The following PLCZ1 variants were observed in gnomAD, a reference collection of about 807,000 sequenced individuals.
PLCZ1 encodes the protein 1-phosphatidylinositol 4,5-bisphosphate phosphodiesterase zeta-1.
PLCZ1 carries 64 observed loss-of-function variants against 76.8 expected under a neutral mutation model. The ratio of observed to expected loss-of-function variants is 0.83; its 90% confidence interval spans 0.68 to 1.03. The LOEUF (loss-of-function observed/expected upper bound fraction) is 1.03. PLCZ1 is among the 50% of genes least tolerant of loss of function. The pLI is 0.00. For synonymous variants in PLCZ1, 248 were observed against 230.8 expected, an observed-to-expected ratio of 1.07 and a Z score of -0.68; for missense variants, 751 against 713.7, an observed-to-expected ratio of 1.05 and a Z score of -0.60.
chr12:18,731,142 T>C (rs1959027697), intron 3 of PLCZ1: 2 of 152,100 alleles, frequency 1.3e-5, no homozygotes, highest in African/African-American at 2.4e-5. Flanking sequence ...AGAGAAGTGG[T>C]TGTTGGAAGA....
intron 12 of PLCZ1, among the ~76,000 whole-genome samples, 187 bp downstream of exon 12, chr12:18,694,723 A>G (rs549377312): frequency 6.6e-6 from 1 of 152,272 alleles, no homozygotes; most frequent in Admixed American, 6.5e-5. Context: ...CATTCATGTA[A>G]AATTACAACA....
chr12:18,664,374 C>A, the PLCZ1 span, among the ~76,000 whole-genome samples: 1 of 152,130 alleles, frequency 6.6e-6, no homozygotes, highest in Admixed American at 6.5e-5. Context: ...ACCCAAATAT[C>A]CATTGATACA....
the PLCZ1 span, among the ~76,000 whole-genome samples, chr12:18,657,187 C>A: frequency 6.6e-6 from 1 of 152,074 alleles, no homozygotes; most frequent in South Asian, 2.1e-4. Flanking sequence ...TTTGCCACTG[C>A]TGCTGGGGAC....
At chr12:18,666,418 G>C in the PLCZ1 span, among the ~76,000 whole-genome samples, 1 of 152,050 alleles carries the variant, frequency 6.6e-6, no homozygotes, top group Non-Finnish European at 1.5e-5. Context: ...GTCTCAAAAA[G>C]AGCTGGGGTG....
In PLCZ1 at chr12:18,712,941, A is replaced by T. The variant is rs544364887; in HGVS notation, c.615T>A (p.Asp205Glu). The T allele has an allele frequency of 9.9e-6, 16 of 1,613,886 alleles. No homozygotes were observed. Among genetic ancestry groups the T allele is most frequent in the African/African-American group, 1.3e-5 (1 of 74,922 alleles). Reference sequence around the variant, plus strand: ...ATACAACAGGTTCATTTTGTGCTCCATCCCAGCAGTCAATCTCCAAACAAC... The same window carrying T: ...ATACAACAGGTTCATTTTGTGCTCCTTCCCAGCAGTCAATCTCCAAACAAC... ...GCRCLEIDCW[D>E]GAQNEPVVYH... The change falls in exon 6 of 15, where the codon GAT becomes GAA. Residue 205 changes from aspartate (D) to glutamate (E), a missense_variant. Transcript: ENST00000266505.
At chr12:18,694,194 C>T in intron 12 of PLCZ1, 1 of 639,744 alleles carries the variant, frequency 1.6e-6, no homozygotes, top group Non-Finnish European at 2.8e-6. Context: ...TCTCTGTTCC[C>T]ATTGATTTTT....
intron 4 of PLCZ1, among the ~76,000 whole-genome samples, chr12:18,721,512 C>G (rs535947856): frequency 6.6e-6 from 1 of 151,850 alleles, no homozygotes; most frequent in Non-Finnish European, 1.5e-5. Flanking sequence ...GTGTCACTGC[C>G]TCCATCCCAA....
At chr12:18,668,013 C>T in the PLCZ1 span, among the ~76,000 whole-genome samples, 2 of 152,262 alleles carry the variant, frequency 1.3e-5, no homozygotes, top group South Asian at 2.1e-4. Context: ...TAAGGTCTAC[C>T]TTTAGGACAC....
chr12:18,736,371 T>G, intron 2 of PLCZ1, 27 bp from the exon 3 acceptor site: 1 of 1,605,182 alleles, frequency 6.2e-7, no homozygotes, highest in Non-Finnish European at 8.5e-7. Context: ...GTTAAGGAAA[T>G]TCTCACAGAA....
chr12:18,724,512 T>A (rs1263877722), intron 3 of PLCZ1, among the ~76,000 whole-genome samples: 1 of 152,150 alleles, frequency 6.6e-6, no homozygotes, highest in Non-Finnish European at 1.5e-5. Flanking sequence ...ACAGCTTGAA[T>A]GCAAGAAGCA....
intron 3 of PLCZ1, among the ~76,000 whole-genome samples, chr12:18,734,356 T>C (rs941551346): frequency 2.0e-5 from 3 of 152,118 alleles, no homozygotes; most frequent in African/African-American, 7.2e-5. Context: ...GTTGTTGTTG[T>C]TGTTGTTGTT....
At chr12:18,708,437 T>A (rs1956895924) in intron 6 of PLCZ1, among the ~76,000 whole-genome samples, 1 of 152,228 alleles carries the variant, frequency 6.6e-6, no homozygotes, top group Non-Finnish European at 1.5e-5. Flanking sequence ...TGTTTCCATA[T>A]CATGTCTATT....
At chr12:18,709,361 T>A (rs1447963724) in intron 6 of PLCZ1, among the ~76,000 whole-genome samples, 2 of 152,150 alleles carry the variant, frequency 1.3e-5, no homozygotes, top group Non-Finnish European at 2.9e-5. Context: ...CTCTATTCTG[T>A]TCCACTGGTC....
chr12:18,701,634 TCC>T, intron 8 of PLCZ1, 56 bp downstream of exon 8: 1 of 1,591,610 alleles, frequency 6.3e-7, no homozygotes. Context: ...CTCCTCCTCC[TCC>T]TCCTCCTCCT....
chr12:18,675,833 A>C, the PLCZ1 span, among the ~76,000 whole-genome samples: 1 of 151,482 alleles, frequency 6.6e-6, no homozygotes, highest in Non-Finnish European at 1.5e-5. Flanking sequence ...AAATGAACAG[A>C]TAGGTAAATA....
chr12:18,670,382 G>T, the PLCZ1 span, among the ~76,000 whole-genome samples: 1 of 151,958 alleles, frequency 6.6e-6, no homozygotes, highest in Non-Finnish European at 1.5e-5. Context: ...GCCACAGAGA[G>T]CTAGAACATA....
At chr12:18,648,454 A>G in the PLCZ1 span, 1 of 193,464 alleles carries the variant, frequency 5.2e-6, no homozygotes, top group Non-Finnish European at 1.1e-5. Flanking sequence ...TAAAACTTAA[A>G]TTATATATAC....
chr12:18,732,821 G>A (rs1317983234), intron 3 of PLCZ1, among the ~76,000 whole-genome samples: 2 of 152,134 alleles, frequency 1.3e-5, no homozygotes, highest in Admixed American at 6.5e-5. Flanking sequence ...TTCAGGATGA[G>A]TAATATTTCA....
Position 18,696,248 on chromosome 12 carries a change from T to G in PLCZ1, c.1193A>C (p.His398Pro), listed in dbSNP as rs1359777791. Residue 398 changes from histidine (H) to proline (P), a missense_variant, in exon 11 of 15, where the codon CAC becomes CCC. Transcript: ENST00000266505. ...SKLRVHEFIF[H>P]TRKFITRIYP... ...TATTCTGGTAATGAACTTCCTGGTGTGAAAAATAAACTCATGGACTGAAAA... is the reference window on the plus strand; with the variant it reads ...TATTCTGGTAATGAACTTCCTGGTGGGAAAAATAAACTCATGGACTGAAAA... The G allele has an allele frequency of 5.1e-6, 8 of 1,574,402 alleles. No individual in the cohort carries two copies. The highest frequency in any genetic ancestry group is 6.9e-6 in the Non-Finnish European group (8 of 1,155,136).
Sources: allele counts gnomAD v4.1 joint callset (sites outside exome capture counted in the v4.1 genomes callset), GRCh38; gene constraint gnomAD v4.1.1; transcripts MANE v1.5; gene names NCBI Gene and HGNC (gene_info 2026-07-23, HGNC 2026-07-21).